MYRIP: variants seen among roughly 807,000 people sequenced by gnomAD.
MYRIP encodes the protein rab effector MyRIP.
A neutral mutation model predicts 98.0 loss-of-function variants in MYRIP; 49 were observed. That is an observed-to-expected ratio of 0.50 (90% CI 0.40 to 0.63). MYRIP has a LOEUF of 0.63. MYRIP is among the 30% of genes least tolerant of loss of function. The pLI is 0.00. For synonymous variants in MYRIP, 404 were observed against 409.5 expected, an observed-to-expected ratio of 0.99 and a Z score of 0.16; for missense variants, 1,004 against 1,058.2, an observed-to-expected ratio of 0.95 and a Z score of 0.71.
chr3:39,828,530 C>T (rs1002643759), intron 1 of MYRIP, among the ~76,000 whole-genome samples: 1 of 151,958 alleles, frequency 6.6e-6, no homozygotes, highest in Non-Finnish European at 1.5e-5. Context: ...TATTTGGTTA[C>T]ATGAGTAAGT....
chr3:39,864,317 G>GA (rs1310191178), intron 1 of MYRIP, among the ~76,000 whole-genome samples: 1 of 150,886 alleles, frequency 6.6e-6, no homozygotes, highest in Non-Finnish European at 1.5e-5. Flanking sequence ...TGGACAAGAG[G>GA]AAAAAAAATA....
chr3:40,219,511 AGT>A (rs1326485626), intron 11 of MYRIP, among the ~76,000 whole-genome samples: 1 of 151,504 alleles, frequency 6.6e-6, no homozygotes, highest in Non-Finnish European at 1.5e-5. Context: ...CAGTCCCCAG[AGT>A]GTGATGTTCC....
intron 3 of MYRIP, among the ~76,000 whole-genome samples, chr3:40,074,077 C>CT (rs34272356): frequency 0.049 from 7,131 of 144,066 alleles, 506 homozygotes; most frequent in African/African-American, 0.15. Context: ...TATTTAGAAA[C>CT]TTTTTTTTTT....
intron 2 of MYRIP, among the ~76,000 whole-genome samples, chr3:39,988,025 T>C (rs1259837983): frequency 6.6e-6 from 1 of 151,996 alleles, no homozygotes; most frequent in Non-Finnish European, 1.5e-5. Flanking sequence ...ATGGATGAAA[T>C]TGGAAATCAT....
At chr3:40,255,073 T>TAA (rs1352176972) in intron 16 of MYRIP, among the ~76,000 whole-genome samples, 1 of 152,192 alleles carries the variant, frequency 6.6e-6, no homozygotes, top group Admixed American at 6.5e-5. Context: ...CTCACTGCCT[T>TAA]CTCTTCATTG....
intron 2 of MYRIP, among the ~76,000 whole-genome samples, chr3:40,014,547 C>T (rs997417099): frequency 6.6e-6 from 1 of 152,148 alleles, no homozygotes; most frequent in Non-Finnish European, 1.5e-5. Flanking sequence ...ACACCAGAGT[C>T]CACTACTCCC....
intron 3 of MYRIP, among the ~76,000 whole-genome samples, chr3:40,108,981 G>C (rs1362370182): frequency 6.6e-6 from 1 of 152,208 alleles, no homozygotes; most frequent in Non-Finnish European, 1.5e-5. Context: ...CTAGGTACCA[G>C]ATAGAGACAA....
chr3:39,860,113 CCA>C lies in MYRIP; in HGVS notation c.-30-40665_-30-40664del, dbSNP rs1261554715. Among the ~76,000 whole-genome samples the C allele has an allele frequency of 2.2e-4, 33 of 152,296 alleles. No individual in the cohort carries two copies. In the South Asian group the frequency reaches 6.4e-3, roughly 30 times the overall value. On this transcript the variant is annotated intron_variant, in intron 1 of 16. Transcript: ENST00000302541. The stretch of plus-strand genomic sequence containing the variant: ...TTATGTATAGAAAACTCTAAAGACT[CCA>C]CACACACATACACAAAACTGTTAGA...
At chr3:40,076,956 G>A (rs1424859939) in intron 3 of MYRIP, among the ~76,000 whole-genome samples, 1 of 152,092 alleles carries the variant, frequency 6.6e-6, no homozygotes, top group Non-Finnish European at 1.5e-5. Context: ...CATTGCATAT[G>A]ACAGCTTACC....
chr3:39,829,488 G>A (rs1251385421), intron 1 of MYRIP, among the ~76,000 whole-genome samples: 1 of 152,114 alleles, frequency 6.6e-6, no homozygotes, highest in Non-Finnish European at 1.5e-5. Context: ...TTTTTCACTT[G>A]TAGTCCACAC....
chr3:40,075,496 T>A (rs1948324014), intron 3 of MYRIP, among the ~76,000 whole-genome samples: 1 of 152,232 alleles, frequency 6.6e-6, no homozygotes, highest in Non-Finnish European at 1.5e-5. Context: ...CTTTGCCATT[T>A]ACTAGCTGTG....
At chr3:39,951,020 T>C (rs1945000617) in intron 2 of MYRIP, among the ~76,000 whole-genome samples, 1 of 152,194 alleles carries the variant, frequency 6.6e-6, no homozygotes, top group Admixed American at 6.6e-5. Context: ...ACTCAGTTAA[T>C]ATATTTTGGA....
At chr3:40,044,797 T>G (rs563981504) in intron 3 of MYRIP, among the ~76,000 whole-genome samples, 3 of 152,204 alleles carry the variant, frequency 2.0e-5, no homozygotes, top group African/African-American at 7.2e-5. Context: ...TGGAGAAAGC[T>G]TCATAGAGGA....
chr3:39,979,347 C>T (rs1309141147), intron 2 of MYRIP, among the ~76,000 whole-genome samples: 1 of 152,100 alleles, frequency 6.6e-6, no homozygotes, highest in Non-Finnish European at 1.5e-5. Context: ...GTAATTAAAA[C>T]TAAGCAGCTG....
chr3:39,993,401 G>T (rs78924402), intron 2 of MYRIP, among the ~76,000 whole-genome samples: 6,298 of 152,160 alleles, frequency 0.041, 200 homozygotes, highest in East Asian at 0.17. Context: ...TGTCCTTTCT[G>T]CTCCTTCAGC....
chr3:40,199,012 A>G (rs570426555), intron 10 of MYRIP, among the ~76,000 whole-genome samples: 57 of 152,336 alleles, frequency 3.7e-4, no homozygotes, highest in Admixed American at 2.2e-3. Flanking sequence ...ATAGTTCACA[A>G]AATTGATGGA....
At chr3:40,182,491 T>A in intron 9 of MYRIP, 118 bp downstream of exon 9, 5 of 1,191,722 alleles carry the variant, frequency 4.2e-6, no homozygotes, top group Non-Finnish European at 5.8e-6. Context: ...CTGGTGTGTG[T>A]CCCTCTGGGC....
chr3:40,010,543 C>T (rs576339643), intron 2 of MYRIP, among the ~76,000 whole-genome samples: 1 of 152,226 alleles, frequency 6.6e-6, no homozygotes, highest in Non-Finnish European at 1.5e-5. Context: ...CATCATGAAC[C>T]AGTGAGGCTT....
At chr3:39,939,648 A>G (rs1001554362) in intron 2 of MYRIP, among the ~76,000 whole-genome samples, 1 of 152,202 alleles carries the variant, frequency 6.6e-6, no homozygotes, top group Admixed American at 6.5e-5. Context: ...CTAAATGTAT[A>G]ACTTCTAAAG....
Sources: gnomAD v4.1 joint callset for allele counts (sites outside exome capture counted in the v4.1 genomes callset) on GRCh38, gnomAD v4.1.1 for gene constraint, MANE v1.5 for transcripts, NCBI Gene and HGNC (gene_info 2026-07-23, HGNC 2026-07-21) for gene names.